ANKRD17: variants seen among roughly 807,000 people sequenced by gnomAD.
ANKRD17 encodes the protein ankyrin repeat domain 17.
Under a neutral mutation model 229.7 loss-of-function variants are expected in ANKRD17, and 19 were observed. That is an observed-to-expected ratio of 0.08 (90% CI 0.06 to 0.12). The LOEUF (loss-of-function observed/expected upper bound fraction) is 0.12, where lower values mean the gene tolerates loss of function less well. ANKRD17 is among the 10% of genes least tolerant of loss of function. The pLI is 1.00. For missense variants in ANKRD17, 2,176 were observed against 3,176.8 expected, an observed-to-expected ratio of 0.68 and a Z score of 7.57; for synonymous variants, 1,112 against 1,146.1, an observed-to-expected ratio of 0.97 and a Z score of 0.60.
At chr4:73,140,749 A>C (rs1260462509) in intron 14 of ANKRD17, among the ~76,000 whole-genome samples, 1 of 152,170 alleles carries the variant, frequency 6.6e-6, no homozygotes, top group African/African-American at 2.4e-5. Flanking sequence ...CATACACACA[A>C]AAAGTACCCA....
chr4:73,116,085 C>T (rs1725907259), intron 22 of ANKRD17, among the ~76,000 whole-genome samples, 169 bp from the exon 23 acceptor site: 1 of 151,796 alleles, frequency 6.6e-6, no homozygotes, highest in African/African-American at 2.4e-5. Context: ...GAGTTAAATC[C>T]ACATTGATCA....
At chr4:73,244,538 A>G (rs1361162202) in intron 1 of ANKRD17, among the ~76,000 whole-genome samples, 1 of 152,206 alleles carries the variant, frequency 6.6e-6, no homozygotes, top group Non-Finnish European at 1.5e-5. Flanking sequence ...TAGTGGCTAC[A>G]GTATTGGACA....
intron 14 of ANKRD17, among the ~76,000 whole-genome samples, chr4:73,141,494 G>T (rs1328397317): frequency 6.6e-6 from 1 of 152,106 alleles, no homozygotes; most frequent in East Asian, 1.9e-4. Context: ...ACTATTAAAG[G>T]AAATCATGGA....
Position 73,106,778 on chromosome 4 carries a change from C to T in ANKRD17, c.4402-4231G>A, listed in dbSNP as rs186433915. Among the ~76,000 whole-genome samples, 322 of 146,908 alleles carry T rather than the reference C, an allele frequency of 2.2e-3. 4 individuals carry two copies. The South Asian group carries it at 0.025, about 12-fold the overall frequency. On this transcript the variant is annotated intron_variant, in intron 24 of 33. Coordinates refer to ENST00000358602, the MANE Select transcript of ANKRD17 (RefSeq NM_032217.5). The stretch of plus-strand genomic sequence containing the variant: ...CCTGTAGTCCCAGCTACTCGGCAGG[C>T]TGAGGCAGGAGAATCGCTTGAACCC...
chr4:73,200,699 T>C (rs1738548195), intron 1 of ANKRD17, among the ~76,000 whole-genome samples: 1 of 152,250 alleles, frequency 6.6e-6, no homozygotes. Context: ...ATTCAAAAAC[T>C]GCCAATTTAT....
At chr4:73,181,813 C>T (rs1735585749) in intron 1 of ANKRD17, among the ~76,000 whole-genome samples, 1 of 151,594 alleles carries the variant, frequency 6.6e-6, no homozygotes, top group Admixed American at 6.6e-5. Flanking sequence ...TTTGGGAGGC[C>T]GAGGCGGGTG....
At chr4:73,113,704 CA>C in intron 24 of ANKRD17, 87 bp downstream of exon 24, 1 of 1,083,264 alleles carries the variant, frequency 9.2e-7, no homozygotes, top group Non-Finnish European at 1.4e-6. Context: ...GCAAACAAAA[CA>C]AAACAAAAAG....
At chr4:73,214,783 C>T (rs1740780273) in intron 1 of ANKRD17, among the ~76,000 whole-genome samples, 1 of 135,358 alleles carries the variant, frequency 7.4e-6, no homozygotes, top group South Asian at 2.3e-4. Context: ...ACTCCTAAAA[C>T]AGGACTGCTT....
chr4:73,086,110 A>C (rs755045551), intron 29 of ANKRD17, among the ~76,000 whole-genome samples: 25 of 152,220 alleles, frequency 1.6e-4, no homozygotes, highest in Non-Finnish European at 3.5e-4. Flanking sequence ...TAGTACTTTC[A>C]GCACTAGTGG....
intron 5 of ANKRD17, among the ~76,000 whole-genome samples, 186 bp from the exon 6 acceptor site, chr4:73,154,299 A>T (rs1379761002): frequency 6.6e-6 from 1 of 151,982 alleles, no homozygotes; most frequent in East Asian, 1.9e-4. Context: ...ATCTTTCTGA[A>T]ATCAACTCCC....
intron 16 of ANKRD17, among the ~76,000 whole-genome samples, chr4:73,130,135 C>T (rs1301611089): frequency 6.6e-6 from 1 of 152,102 alleles, no homozygotes; most frequent in Non-Finnish European, 1.5e-5. Context: ...ACTTTTTTTA[C>T]ACTTCCACAA....
At chr4:73,206,831 T>C (rs1021299037) in intron 1 of ANKRD17, among the ~76,000 whole-genome samples, 2 of 152,132 alleles carry the variant, frequency 1.3e-5, no homozygotes, top group Admixed American at 1.3e-4. Context: ...AATAGATTTT[T>C]TTTTCCCCCA....
chr4:73,077,051 G>A lies in ANKRD17; in HGVS notation c.7641C>T (p.Ile2547=). The change falls in exon 33 of 34, where the codon ATC becomes ATT. Residue 2547 remains isoleucine (I), a synonymous_variant. Transcript: ENST00000358602. ...GNAMIPPVAP[I]PDGAGGPIFN... ...ATATGGGTCCTCCAGCACCATCAGGGATAGGTGCTACTGGAGGAATCATTG... is the reference window on the plus strand; with the variant it reads ...ATATGGGTCCTCCAGCACCATCAGGAATAGGTGCTACTGGAGGAATCATTG... 6.2e-7 allele frequency: 1 copy of A among 1,613,120 alleles called. No homozygotes were observed. Among genetic ancestry groups the A allele is most frequent in the Non-Finnish European group, 8.5e-7 (1 of 1,179,578 alleles).
chr4:73,144,059 T>G (rs1431677387), intron 11 of ANKRD17, among the ~76,000 whole-genome samples: 1 of 152,174 alleles, frequency 6.6e-6, no homozygotes, highest in Non-Finnish European at 1.5e-5. Context: ...CTTTTATCAA[T>G]GCAGAATCAA....
intron 1 of ANKRD17, among the ~76,000 whole-genome samples, chr4:73,218,857 T>C (rs1165077376): frequency 6.6e-6 from 1 of 151,986 alleles, no homozygotes; most frequent in Non-Finnish European, 1.5e-5. Context: ...GGTCAAGAGA[T>C]TGAGACCATC....
intron 28 of ANKRD17, among the ~76,000 whole-genome samples, chr4:73,093,585 G>A (rs1009833244): frequency 1.3e-5 from 2 of 151,912 alleles, no homozygotes; most frequent in Admixed American, 1.3e-4. Context: ...CCATGTTGAG[G>A]CTGGTCTCGA....
chr4:73,137,984 T>A (rs1355444850), intron 15 of ANKRD17, among the ~76,000 whole-genome samples: 1 of 152,100 alleles, frequency 6.6e-6, no homozygotes, highest in Non-Finnish European at 1.5e-5. Context: ...TAAAAAAAAT[T>A]TTTTTAAACA....
intron 1 of ANKRD17, among the ~76,000 whole-genome samples, chr4:73,243,264 TGAC>T (rs1425189911): frequency 6.6e-6 from 1 of 152,114 alleles, no homozygotes; most frequent in Admixed American, 6.6e-5. Context: ...CAAATAACAA[TGAC>T]ATTTCAGAAA....
At chr4:73,204,631 T>C (rs929739032) in intron 1 of ANKRD17, among the ~76,000 whole-genome samples, 1 of 152,050 alleles carries the variant, frequency 6.6e-6, no homozygotes, top group African/African-American at 2.4e-5. Flanking sequence ...GATATCTTCT[T>C]TTTCCTCATT....
Sources: allele counts gnomAD v4.1 joint callset (sites outside exome capture counted in the v4.1 genomes callset), GRCh38; gene constraint gnomAD v4.1.1; transcripts MANE v1.5; gene names NCBI Gene and HGNC (gene_info 2026-07-23, HGNC 2026-07-21).